The following MEGF6 variants were observed in gnomAD, a reference collection of about 807,000 sequenced individuals.
The protein encoded by MEGF6 is multiple epidermal growth factor-like domains protein 6.
A neutral mutation model predicts 207.1 loss-of-function variants in MEGF6; 184 were observed. The observed-to-expected ratio is 0.89, with a 90% CI of 0.79 to 1.00. The LOEUF (loss-of-function observed/expected upper bound fraction) is 1.00. Ranked by LOEUF, MEGF6 falls within the 50% of genes least tolerant of loss-of-function variation. MEGF6 has a pLI of 0.00. For synonymous variants in MEGF6, 1,038 were observed against 910.0 expected (o/e 1.14, Z -2.53); for missense variants, 2,282 against 2,202.9 (o/e 1.04, Z -0.72).
chr1:3,521,735 G>A (rs1053083143), intron 5 of MEGF6, among the ~76,000 whole-genome samples: 2 of 152,140 alleles, frequency 1.3e-5, no homozygotes, highest in African/African-American at 4.8e-5. Flanking sequence ...CCGAGGAACC[G>A]GCCCCACCCT....
chr1:3,510,856 G>A lies in MEGF6; in HGVS notation c.1161C>T (p.Thr387=), dbSNP rs752369220. ...CGCACTCGTACCCGCCAGGGTTGTT[G>A]GTGCACACCTGCTGGCAGCACGGGC... is the stretch of plus-strand genomic sequence containing the variant. ...ADSPCCQQVC[T]NNPGGYECGC... Residue 387 remains threonine, a synonymous_variant, in exon 10 of 37, where the codon ACC becomes ACT. Coordinates refer to ENST00000356575, the MANE Select transcript of MEGF6 (RefSeq NM_001409.4). 20 of 1,610,754 alleles carry A rather than the reference G, an allele frequency of 1.2e-5. No homozygotes were observed. The East Asian group carries it at 1.3e-4, about 11-fold the overall frequency.
At chr1:3,552,420 C>G (rs868285955) in intron 4 of MEGF6, among the ~76,000 whole-genome samples, 1 of 152,232 alleles carries the variant, frequency 6.6e-6, no homozygotes, top group African/African-American at 2.4e-5. Flanking sequence ...GGTAAGACCA[C>G]GCGTGGCGGC....
intron 3 of MEGF6, among the ~76,000 whole-genome samples, chr1:3,591,618 G>C (rs1438150382): frequency 6.6e-6 from 1 of 151,954 alleles, no homozygotes; most frequent in African/African-American, 2.4e-5. Flanking sequence ...GCGGGCGAGG[G>C]GGCTGTTGGG....
Position 3,554,853 on chromosome 1 carries a change from T to A in MEGF6, c.481+24972A>T, listed in dbSNP as rs118109626. Among the ~76,000 whole-genome samples the A allele has an allele frequency of 4.5e-4, 69 of 152,318 alleles. 1 individual carries two copies. The East Asian group carries it at 0.013, about 29-fold the overall frequency. On this transcript the variant is annotated intron_variant, in intron 4 of 36. Coordinates refer to ENST00000356575, the MANE Select transcript of MEGF6 (RefSeq NM_001409.4). ...TTGCCATTCAAGGTAAAGGTCACAG[T>A]TCCCTGAGATTAGGCTGTGGACATC...
At chr1:3,584,527 G>A (rs1159448288) in intron 3 of MEGF6, among the ~76,000 whole-genome samples, 5 of 152,226 alleles carry the variant, frequency 3.3e-5, no homozygotes, top group African/African-American at 1.2e-4. Context: ...AGTGCACCCA[G>A]AACCTTCCAG....
At chr1:3,614,210 G>C (rs1644359780), upstream of MEGF6, among the ~76,000 whole-genome samples, 1 of 152,298 alleles carries the variant, frequency 6.6e-6, no homozygotes, top group East Asian at 1.9e-4. Flanking sequence ...CCCTGGGGCT[G>C]TCCGTGCCCC....
intron 5 of MEGF6, among the ~76,000 whole-genome samples, chr1:3,519,388 C>T (rs1641658891): frequency 6.6e-6 from 1 of 152,226 alleles, no homozygotes; most frequent in African/African-American, 2.4e-5. Context: ...GGCCAGACGG[C>T]GGGGGCCAAC....
At chr1:3,609,646 G>A (rs1644299074) in intron 1 of MEGF6, among the ~76,000 whole-genome samples, 1 of 152,196 alleles carries the variant, frequency 6.6e-6, no homozygotes, top group Non-Finnish European at 1.5e-5. Context: ...TGAGCAAAGA[G>A]AGCCAACTCT....
intron 34 of MEGF6, chr1:3,493,456 C>T: frequency 2.2e-6 from 1 of 445,554 alleles, no homozygotes. Context: ...CTTGATGTCC[C>T]CCAGTCCACA....
At chr1:3,602,815 G>A (rs923766395) in intron 1 of MEGF6, among the ~76,000 whole-genome samples, 26 of 152,284 alleles carry the variant, frequency 1.7e-4, no homozygotes, top group East Asian at 7.7e-4. Flanking sequence ...CAAGATGACC[G>A]CAACATCCCC....
intron 3 of MEGF6, among the ~76,000 whole-genome samples, chr1:3,585,935 G>A (rs1427603052): frequency 2.1e-5 from 3 of 142,152 alleles, no homozygotes; most frequent in Admixed American, 1.4e-4. Context: ...CACATGTCCT[G>A]TGTGTGGGTG....
intron 2 of MEGF6, among the ~76,000 whole-genome samples, chr1:3,599,665 G>A (rs748587067): frequency 1.7e-4 from 26 of 152,204 alleles, no homozygotes; most frequent in Non-Finnish European, 3.5e-4. Flanking sequence ...ACGGTGGAGG[G>A]CCTGGCGGCA....
intron 2 of MEGF6, among the ~76,000 whole-genome samples, chr1:3,598,629 C>G (rs79675089): frequency 6.6e-6 from 1 of 151,968 alleles, no homozygotes; most frequent in South Asian, 2.1e-4. Flanking sequence ...GACCAGCCCT[C>G]CGTTCTCCTG....
intron 3 of MEGF6, among the ~76,000 whole-genome samples, chr1:3,581,581 T>C (rs552296631): frequency 6.6e-6 from 1 of 152,334 alleles, no homozygotes; most frequent in South Asian, 2.1e-4. Context: ...CTTGTGCAAC[T>C]GCAGCAGCAA....
intron 4 of MEGF6, among the ~76,000 whole-genome samples, chr1:3,564,451 C>G (rs117047788): frequency 1.3e-5 from 2 of 152,094 alleles, no homozygotes; most frequent in African/African-American, 4.8e-5. Flanking sequence ...GGAGAGGGAA[C>G]AGTCTGGCCG....
Position 3,501,203 on chromosome 1 carries a change from C to G in MEGF6, c.2420G>C (p.Gly807Ala). Residue 807 changes from glycine to alanine, a missense_variant, in exon 19 of 37, where the codon GGC (glycine) becomes GCC (alanine). Gly to Ala is a moderately conservative substitution (Grantham distance 60, BLOSUM62 0). Transcript: ENST00000356575. ...GTCCTGGCAGCGGCTGCCGACGAAG[C>G]CAGGGAGGCACAGGCAGGCTCCGGT... ...PETGACLCLP[G>A]FVGSRCQDVC... 6.2e-7 allele frequency: 1 copy of G among 1,612,270 alleles called. No individual in the cohort carries two copies.
chr1:3,521,021 C>G (rs906911961), intron 5 of MEGF6, among the ~76,000 whole-genome samples: 14 of 152,156 alleles, frequency 9.2e-5, no homozygotes, highest in African/African-American at 2.9e-4. Flanking sequence ...AAGCCTCACT[C>G]CAAGCTGCTA....
rs768183093 is a variant in MEGF6 at position 3,499,833 on chromosome 1, G to A, written c.2799C>T (p.Thr933=). ...AACDHVSGAC[T]CPAGWRGTFC... ...AGGTGCCCCTCCAGCCGGCCGGGCAGGTGCAGGCCCCGCTGACGTGGTCAC... is the reference window on the plus strand; with the variant it reads ...AGGTGCCCCTCCAGCCGGCCGGGCAAGTGCAGGCCCCGCTGACGTGGTCAC... The change falls in exon 22 of 37, where the codon ACC becomes ACT. Residue 933 remains threonine (T), a synonymous_variant. Coordinates refer to ENST00000356575, the MANE Select transcript of MEGF6 (RefSeq NM_001409.4). 22 of 1,553,734 alleles carry A rather than the reference G, an allele frequency of 1.4e-5. No individual in the cohort carries two copies. The African/African-American group carries it at 1.9e-4, about 13-fold the overall frequency.
chr1:3,492,822 C>A lies in MEGF6; in HGVS notation c.4388-55G>T, dbSNP rs577237471. ...CTGAGCATCATCCTTGCCTTCCCCG[C>A]GCCAAGGAGCCTGGGCCTAGGGGCC... On this transcript the variant is annotated intron_variant, in intron 34 of 36. Transcript: ENST00000356575. 3.2e-6 allele frequency: 5 copies of A among 1,578,882 alleles called. No individual in the cohort carries two copies. In the African/African-American group the frequency reaches 6.7e-5, roughly 21 times the overall value.
Sources: gnomAD v4.1 joint callset for allele counts (sites outside exome capture counted in the v4.1 genomes callset) on GRCh38, gnomAD v4.1.1 for gene constraint, MANE v1.5 for transcripts, NCBI Gene and HGNC (gene_info 2026-07-23, HGNC 2026-07-21) for gene names.